The following UPRT variants were observed in gnomAD, a reference collection of about 807,000 sequenced individuals.
UPRT encodes uracil phosphoribosyltransferase homolog.
Under a neutral mutation model 22.6 loss-of-function variants are expected in UPRT, and 5 were observed. The observed-to-expected ratio is 0.22, with a 90% confidence interval of 0.12 to 0.47. The LOEUF is 0.47. Ranked by LOEUF, UPRT falls within the 20% of genes least tolerant of loss-of-function variation. The pLI is 0.99. For missense variants in UPRT, 181 were observed against 239.9 expected, an observed-to-expected ratio of 0.75 and a Z score of 1.62; for synonymous variants, 77 against 87.7, an observed-to-expected ratio of 0.88 and a Z score of 0.68.
chrX:75,167,604 C>G (rs2082216279), intron 3 of UPRT, among the ~76,000 whole-genome samples: 1 of 111,896 alleles, frequency 8.9e-6, no homozygotes, highest in African/African-American at 3.2e-5. Flanking sequence ...TGCATTTAAT[C>G]TTATAATTTC....
At chrX:75,193,263 C>A (rs748558481) in intron 4 of UPRT, among the ~76,000 whole-genome samples, 1 of 112,056 alleles carries the variant, frequency 8.9e-6, no homozygotes, top group East Asian at 2.8e-4. Flanking sequence ...GTCAAAAATT[C>A]TTTTCTTAAG....
intron 4 of UPRT, among the ~76,000 whole-genome samples, chrX:75,203,514 ACT>A (rs1433833534): frequency 0.011 from 1,018 of 89,614 alleles, 9 homozygotes; most frequent in East Asian, 0.027. Flanking sequence ...ACACACACAC[ACT>A]CACACACACA....
At chrX:75,278,130 A>G (rs2082638820) in intron 1 of UPRT, among the ~76,000 whole-genome samples, 1 of 110,999 alleles carries the variant, frequency 9.0e-6, no homozygotes, top group African/African-American at 3.3e-5. Context: ...TGGAGTACAT[A>G]TTTTTTCTTT....
At chrX:75,191,005 C>T (rs1602447243) in intron 4 of UPRT, among the ~76,000 whole-genome samples, 1 of 111,975 alleles carries the variant, frequency 8.9e-6, no homozygotes, top group East Asian at 2.8e-4. Flanking sequence ...TCCAGCTTTG[C>T]TCTGTTGCTG....
chrX:75,203,250 T>A (rs766608832), intron 4 of UPRT, among the ~76,000 whole-genome samples: 1 of 111,118 alleles, frequency 9.0e-6, no homozygotes, highest in Admixed American at 9.6e-5. Flanking sequence ...GAGCTGACAA[T>A]CCTAAATATA....
chrX:75,244,033 T>C (rs1263189878), intron 4 of UPRT, among the ~76,000 whole-genome samples: 3 of 111,620 alleles, frequency 2.7e-5, no homozygotes, highest in Admixed American at 1.9e-4. Context: ...ATTACAATTC[T>C]AGGTTGCAAT....
intron 1 of UPRT, among the ~76,000 whole-genome samples, chrX:75,158,200 A>T (rs150847824): frequency 2.8e-3 from 317 of 112,016 alleles, no homozygotes; most frequent in Admixed American, 9.7e-3. Context: ...GCACCCAGAA[A>T]TAGAACGTGA....
In UPRT at chrX:75,183,194, C is replaced by G. The variant is rs757056943; in HGVS notation, c.-447+15315C>G. 1.6e-3 allele frequency among the ~76,000 whole-genome samples: 173 copies of G among 109,731 alleles called. 1 individual carries two copies. Among genetic ancestry groups the G allele is most frequent in the African/African-American group, 5.7e-3 (170 of 30,071 alleles). Reference sequence around the variant, plus strand: ...CCCCTCCCCGCACCCCACGACAAGCCCTGGTGTGTGATGTTCCCCTTCCTG... The same window carrying G: ...CCCCTCCCCGCACCCCACGACAAGCGCTGGTGTGTGATGTTCCCCTTCCTG... On this transcript the variant is annotated intron_variant, in intron 4 of 13. Transcript: ENST00000652605.
intron 4 of UPRT, among the ~76,000 whole-genome samples, chrX:75,237,369 A>C (rs911595606): frequency 3.6e-5 from 4 of 112,060 alleles, no homozygotes; most frequent in Non-Finnish European, 7.5e-5. Flanking sequence ...AACTAGTTCA[A>C]CCATTGTGGA....
intron 4 of UPRT, among the ~76,000 whole-genome samples, chrX:75,267,626 A>C (rs986716016): frequency 1.8e-5 from 2 of 112,457 alleles, no homozygotes; most frequent in South Asian, 7.4e-4. Flanking sequence ...CTGCACAACT[A>C]CATGGAAACT....
At chrX:75,281,312 A>G (rs192211079) in intron 1 of UPRT, among the ~76,000 whole-genome samples, 4 of 111,446 alleles carry the variant, frequency 3.6e-5, no homozygotes, top group African/African-American at 1.3e-4. Context: ...TTGAAGAGGA[A>G]TGGTGAGGGT....
chrX:75,183,168 C>T (rs1320814032), intron 4 of UPRT, among the ~76,000 whole-genome samples: 3 of 110,118 alleles, frequency 2.7e-5, no homozygotes, highest in African/African-American at 1.0e-4. Flanking sequence ...GCTATCCATC[C>T]CCCCTCCCCG....
At chrX:75,208,670 C>A (rs993179586) in intron 4 of UPRT, among the ~76,000 whole-genome samples, 14 of 111,323 alleles carry the variant, frequency 1.3e-4, no homozygotes, top group African/African-American at 4.6e-4. Flanking sequence ...TTTTTGACAG[C>A]CACGATAGGG....
At chrX:75,218,948 T>C (rs1444352531) in intron 4 of UPRT, among the ~76,000 whole-genome samples, 1 of 110,128 alleles carries the variant, frequency 9.1e-6, no homozygotes, top group African/African-American at 3.3e-5. Flanking sequence ...AAATAATGAG[T>C]TAATGGGTGC....
intron 4 of UPRT, among the ~76,000 whole-genome samples, chrX:75,230,599 TGA>T (rs1267264665): frequency 8.9e-6 from 1 of 112,179 alleles, no homozygotes; most frequent in Non-Finnish European, 1.9e-5. Context: ...TCAGAGATCC[TGA>T]GTCTGTCCAC....
intron 4 of UPRT, among the ~76,000 whole-genome samples, chrX:75,181,850 C>T (rs191857762): frequency 2.6e-4 from 29 of 111,134 alleles, no homozygotes; most frequent in African/African-American, 8.8e-4. Flanking sequence ...TTTCTCTTGC[C>T]TGATTGCTCT....
intron 4 of UPRT, among the ~76,000 whole-genome samples, chrX:75,233,819 T>G (rs1446713721): frequency 9.0e-5 from 10 of 110,685 alleles, no homozygotes; most frequent in Non-Finnish European, 1.9e-4. Context: ...CAATACCAGC[T>G]GCTGCAAAAT....
At chrX:75,217,865 A>C (rs5981810) in intron 4 of UPRT, among the ~76,000 whole-genome samples, 3 of 112,067 alleles carry the variant, frequency 2.7e-5, no homozygotes, top group Non-Finnish European at 3.8e-5. Context: ...TCCCTTCCTT[A>C]CACCTTATAC....
At chrX:75,255,011 A>C (rs1037475677) in intron 4 of UPRT, among the ~76,000 whole-genome samples, 7 of 110,115 alleles carry the variant, frequency 6.4e-5, no homozygotes, top group Non-Finnish European at 1.3e-4. Flanking sequence ...TCCTGACCTC[A>C]TGATCCACCC....
Sources: gnomAD v4.1 joint callset for allele counts (sites outside exome capture counted in the v4.1 genomes callset) on GRCh38, gnomAD v4.1.1 for gene constraint, MANE v1.5 for transcripts, NCBI Gene and HGNC (gene_info 2026-07-23, HGNC 2026-07-21) for gene names.